The following CACNA1A variants were observed in gnomAD, a reference collection of about 807,000 sequenced individuals.
The protein encoded by CACNA1A is voltage-dependent P/Q-type calcium channel subunit alpha-1A.
CACNA1A carries 57 observed loss-of-function variants against 262.4 expected under a neutral mutation model. That is an observed-to-expected ratio of 0.22 (90% CI 0.18 to 0.27). The LOEUF is 0.27. Among genes scored for constraint, CACNA1A ranks in the 10% least tolerant of loss-of-function variants. The pLI, the probability that CACNA1A is intolerant of heterozygous loss-of-function variation, is 1.00. For missense variants in CACNA1A, 2,526 were observed against 3,562.8 expected (o/e 0.71, Z 7.41); for synonymous variants, 1,431 against 1,419.3 (o/e 1.01, Z -0.18).
At chr19:13,453,984 T>C (rs1013113687) in intron 2 of CACNA1A, among the ~76,000 whole-genome samples, 1 of 151,946 alleles carries the variant, frequency 6.6e-6, no homozygotes, top group Non-Finnish European at 1.5e-5. Flanking sequence ...GTATGTTTGG[T>C]CTTTGACACT....
At chr19:13,397,150 G>A (rs1212479064) in intron 3 of CACNA1A, among the ~76,000 whole-genome samples, 3 of 152,280 alleles carry the variant, frequency 2.0e-5, no homozygotes, top group African/African-American at 7.2e-5. Context: ...AATGGTTCAT[G>A]AAAGCTGCCC....
At position 13,506,335 on chromosome 19, in the gene CACNA1A, G is replaced by A; in HGVS notation, c.-111C>T. ...GGCTGCCGGGGCTGGGAGCGCGGCG[G>A]CTGGAGCTACGACTGCGGAGACGCT... On this transcript the variant is annotated 5_prime_UTR_variant, in exon 1 of 47. Transcript: ENST00000360228. 2.9e-6 allele frequency: 3 copies of A among 1,050,526 alleles called. No homozygotes were observed. The highest frequency in any genetic ancestry group is 3.8e-6 in the Non-Finnish European group (3 of 783,810). The allele number at this position is 1,050,526 out of a possible 1,614,324, so 65.1% of individuals were successfully genotyped here.
At chr19:13,227,349 T>G in intron 37 of CACNA1A, 82 bp downstream of exon 37, 1 of 588,366 alleles carries the variant, frequency 1.7e-6, no homozygotes, top group South Asian at 2.3e-5. Context: ...CGGGTGTTTC[T>G]GGTCAGCACT....
At chr19:13,390,523 C>T (rs1333344109) in intron 3 of CACNA1A, among the ~76,000 whole-genome samples, 1 of 152,154 alleles carries the variant, frequency 6.6e-6, no homozygotes, top group Non-Finnish European at 1.5e-5. Flanking sequence ...GTTTTGAGCA[C>T]TTAAAATGTG....
intron 36 of CACNA1A, among the ~76,000 whole-genome samples, chr19:13,229,400 G>A (rs1050166237): frequency 6.6e-6 from 1 of 152,162 alleles, no homozygotes; most frequent in African/African-American, 2.4e-5. Flanking sequence ...TTCAGATAAA[G>A]CCTCTGAGTG....
chr19:13,291,637 A>C (rs957152238), intron 19 of CACNA1A, among the ~76,000 whole-genome samples: 2 of 147,328 alleles, frequency 1.4e-5, no homozygotes, highest in African/African-American at 4.9e-5. Flanking sequence ...CATCTCTAAA[A>C]AAAAAAAAAA....
intron 3 of CACNA1A, among the ~76,000 whole-genome samples, chr19:13,440,687 C>G (rs1041770580): frequency 1.3e-5 from 2 of 152,198 alleles, no homozygotes; most frequent in African/African-American, 4.8e-5. Flanking sequence ...GACTATATCA[C>G]TTTCTCTTTC....
In CACNA1A at chr19:13,330,546, T is replaced by C. The variant is rs8101890; in HGVS notation, c.1256-213A>G. Among the ~76,000 whole-genome samples, 12,393 of 152,214 alleles carry C rather than the reference T, an allele frequency of 0.081. 737 individuals are homozygous for C. Among genetic ancestry groups the C allele is most frequent in the East Asian group, 0.37 (1,884 of 5,158 alleles). On this transcript the variant is annotated intron_variant, in intron 9 of 46. Transcript: ENST00000360228. ...AAGACAAGAATCAAGTCGGGTTCAG[T>C]CCGACTCCAGGTCTGGGCCCTCAGC...
At position 13,436,681 on chromosome 19, in the gene CACNA1A, C is replaced by G. The variant is rs145003080; in HGVS notation, c.539+16195G>C. Among the ~76,000 whole-genome samples the G allele has an allele frequency of 2.3e-3, 347 of 152,278 alleles. 2 individuals are homozygous for G. The highest frequency in any genetic ancestry group is 8.2e-3 in the African/African-American group (339 of 41,548). ...AGGCTCTGTGGTTCTGTCTTTACCC[C>G]CCAGAGGAAGGAGACAGATGATTAA... On this transcript the variant is annotated intron_variant, in intron 3 of 46. Transcript: ENST00000360228.
intron 3 of CACNA1A, among the ~76,000 whole-genome samples, chr19:13,402,449 G>A (rs977640172): frequency 6.6e-6 from 1 of 151,860 alleles, no homozygotes; most frequent in Non-Finnish European, 1.5e-5. Flanking sequence ...TACTGCCCGG[G>A]TGATGGGTGC....
At position 13,384,896 on chromosome 19, in the gene CACNA1A, C is replaced by T. The variant is rs141582666; in HGVS notation, c.540-13117G>A. 7.9e-5 allele frequency among the ~76,000 whole-genome samples: 12 copies of T among 152,144 alleles called. 1 individual carries two copies. Among genetic ancestry groups the T allele is most frequent in the African/African-American group, 2.7e-4 (11 of 41,506 alleles). On this transcript the variant is annotated intron_variant, in intron 3 of 46. Transcript: ENST00000360228. ...TTGAGGGAGAACAAGAGGAGAAGAACTGGAAATGTGAGCCTGGGTAGGAGA... is the reference window on the plus strand; with the variant it reads ...TTGAGGGAGAACAAGAGGAGAAGAATTGGAAATGTGAGCCTGGGTAGGAGA...
chr19:13,469,983 C>A (rs2061322373), intron 1 of CACNA1A, among the ~76,000 whole-genome samples: 1 of 152,024 alleles, frequency 6.6e-6, no homozygotes, highest in South Asian at 2.1e-4. Flanking sequence ...TTCCCCATAC[C>A]TGGGCAGTGG....
chr19:13,464,061 T>C (rs946985845), intron 1 of CACNA1A, among the ~76,000 whole-genome samples: 4 of 152,200 alleles, frequency 2.6e-5, no homozygotes, highest in African/African-American at 9.7e-5. Flanking sequence ...GTGAGTGTTT[T>C]ATATTGTTTA....
intron 4 of CACNA1A, among the ~76,000 whole-genome samples, chr19:13,369,861 G>A (rs1355958392): frequency 6.6e-6 from 1 of 152,030 alleles, no homozygotes; most frequent in African/African-American, 2.4e-5. Context: ...GCATCTGCTG[G>A]GATCTTGCAG....
At chr19:13,336,594 G>GGAGAGAGAGGGAGAGGGAGAGAGAGAGA (rs1555768093) in intron 6 of CACNA1A, among the ~76,000 whole-genome samples, 14 of 65,502 alleles carry the variant, frequency 2.1e-4, no homozygotes, top group African/African-American at 5.1e-4. Flanking sequence ...AGAGAGAGAG[G>GGAGAGAGAGGGAGAGGGAGAGAGAGAGA]GAGAGAGAGA....
At chr19:13,263,978 C>T (rs1311599456) in intron 24 of CACNA1A, among the ~76,000 whole-genome samples, 1 of 152,104 alleles carries the variant, frequency 6.6e-6, no homozygotes, top group Non-Finnish European at 1.5e-5. Context: ...GGAAAATAAC[C>T]GGGTGCCGCT....
intron 22 of CACNA1A, among the ~76,000 whole-genome samples, chr19:13,282,483 C>G (rs569920790): frequency 6.6e-6 from 1 of 152,212 alleles, no homozygotes; most frequent in African/African-American, 2.4e-5. Flanking sequence ...TGCACTCATT[C>G]CTGCTTGTCA....
intron 24 of CACNA1A, among the ~76,000 whole-genome samples, chr19:13,265,353 G>A (rs910838909): frequency 9.2e-5 from 14 of 152,326 alleles, no homozygotes; most frequent in African/African-American, 3.4e-4. Context: ...ATCACGATGG[G>A]TCTCAGTATC....
intron 15 of CACNA1A, among the ~76,000 whole-genome samples, chr19:13,306,180 T>C (rs2057899426): frequency 6.6e-6 from 1 of 150,900 alleles, no homozygotes; most frequent in Non-Finnish European, 1.5e-5. Context: ...AAGGAGAGAG[T>C]GAAGTCACAT....
Sources: allele counts gnomAD v4.1 joint callset (sites outside exome capture counted in the v4.1 genomes callset), GRCh38; gene constraint gnomAD v4.1.1; transcripts MANE v1.5; gene names NCBI Gene and HGNC (gene_info 2026-07-23, HGNC 2026-07-21).